The following FRAS1 variants were observed in gnomAD, a reference collection of about 807,000 sequenced individuals.
FRAS1 encodes extracellular matrix organizing protein FRAS1.
Under a neutral mutation model 435.2 loss-of-function variants are expected in FRAS1, and 290 were observed. That is an observed-to-expected ratio of 0.67 (90% CI 0.61 to 0.73). The LOEUF (loss-of-function observed/expected upper bound fraction) is 0.73, where lower values mean the gene tolerates loss of function less well. Among genes scored for constraint, FRAS1 ranks in the 30% least tolerant of loss-of-function variants. The probability of loss-of-function intolerance (pLI) is 0.00; values close to 1 mark genes in which losing one functional copy is unlikely to be tolerated. For synonymous variants in FRAS1, 1,800 were observed against 1,851.0 expected (o/e 0.97, Z 0.71); for missense variants, 4,860 against 5,001.5 (o/e 0.97, Z 0.85).
At chr4:78,301,837 A>G (rs1480109866) in intron 14 of FRAS1, among the ~76,000 whole-genome samples, 1 of 144,836 alleles carries the variant, frequency 6.9e-6, no homozygotes, top group Non-Finnish European at 1.5e-5. Flanking sequence ...CTTCTGGCCC[A>G]CAGAAACAGT....
chr4:78,061,467 T>G (rs1739758092), intron 1 of FRAS1, among the ~76,000 whole-genome samples: 1 of 152,142 alleles, frequency 6.6e-6, no homozygotes, highest in South Asian at 2.1e-4. Context: ...GAATTGAGCT[T>G]TAGTCTGTGT....
intron 22 of FRAS1, among the ~76,000 whole-genome samples, chr4:78,365,048 A>G (rs61351189): frequency 0.17 from 25,400 of 152,146 alleles, 2,719 homozygotes; most frequent in East Asian, 0.34. Flanking sequence ...TTTAATACAG[A>G]CCATAGTGGA....
chr4:78,197,942 A>C (rs76839312), intron 2 of FRAS1, among the ~76,000 whole-genome samples: 1 of 974 alleles, frequency 1.0e-3, no homozygotes, highest in African/African-American at 1.1e-3. Flanking sequence ...CTCCCTCTCA[A>C]AAAAAAAAAA....
Position 78,065,081 on chromosome 4 carries a change from T to TATATATATATATATATACACACACAC in FRAS1, c.77-901_77-900insTATATATATATATACACACACACATA, listed in dbSNP as rs762909923. ...GTGTATATATATATATATATATATA[T>TATATATATATATATATACACACACAC]ATACATACACACACACACACTAAAT... On this transcript the variant is annotated intron_variant, in intron 1 of 73. Transcript: ENST00000512123. Among the ~76,000 whole-genome samples, 532 of 125,526 alleles carry TATATATATATATATATACACACACAC rather than the reference T, an allele frequency of 4.2e-3. 5 individuals are homozygous for TATATATATATATATATACACACACAC. Among genetic ancestry groups the TATATATATATATATATACACACACAC allele is most frequent in the Non-Finnish European group, 5.0e-3 (304 of 60,484 alleles). The allele number at this position is 125,526 out of a possible 152,430, so 82.3% of individuals were successfully genotyped here.
chr4:78,272,817 A>G (rs1411852510), intron 9 of FRAS1, among the ~76,000 whole-genome samples: 2 of 151,828 alleles, frequency 1.3e-5, no homozygotes, highest in Middle Eastern at 3.4e-3. Context: ...GTTCCATATG[A>G]ACTTTAAAGT....
At chr4:78,400,158 C>A (rs989838903) in intron 29 of FRAS1, among the ~76,000 whole-genome samples, 2 of 152,212 alleles carry the variant, frequency 1.3e-5, no homozygotes, top group African/African-American at 2.4e-5. Flanking sequence ...ACTTAGAAAT[C>A]CAATTTTTTT....
chr4:78,197,976 T>A (rs1722887672), intron 2 of FRAS1, among the ~76,000 whole-genome samples: 1 of 152,174 alleles, frequency 6.6e-6, no homozygotes, highest in South Asian at 2.1e-4. Flanking sequence ...TGCAACACTT[T>A]TATAGCAGGA....
At chr4:78,302,793 C>A (rs556360951) in intron 14 of FRAS1, among the ~76,000 whole-genome samples, 7 of 152,114 alleles carry the variant, frequency 4.6e-5, no homozygotes, top group African/African-American at 1.7e-4. Flanking sequence ...AAAATCTTCT[C>A]CCATTTTGTA....
rs1732125930 is a variant in FRAS1 at position 78,384,084 on chromosome 4, A to G, written c.3589A>G (p.Ser1197Gly). 6.2e-7 allele frequency: 1 copy of G among 1,607,258 alleles called. No individual in the cohort carries two copies. The highest frequency in any genetic ancestry group is 8.5e-7 in the Non-Finnish European group (1 of 1,178,052). ...LRKGYLFLKI[S>G]DQQFFSEPQL... The stretch of plus-strand genomic sequence containing the variant: ...GAAAGGTTACCTTTTCCTGAAAATT[A>G]GTGACCAGCAGTTCTTCTCTGAGCC... Residue 1197 changes from serine (S) to glycine (G), a missense_variant, in exon 28 of 74, where the codon AGT (serine) becomes GGT (glycine). Ser to Gly is a moderately conservative substitution (Grantham distance 56). Transcript: ENST00000512123.
At chr4:78,211,454 T>C (rs1227105166) in intron 2 of FRAS1, among the ~76,000 whole-genome samples, 1 of 152,198 alleles carries the variant, frequency 6.6e-6, no homozygotes, top group African/African-American at 2.4e-5. Flanking sequence ...AAATACTGCC[T>C]TTGAACTTAT....
At chr4:78,277,639 T>A (rs931308384) in intron 9 of FRAS1, among the ~76,000 whole-genome samples, 8 of 152,160 alleles carry the variant, frequency 5.3e-5, no homozygotes, top group African/African-American at 1.9e-4. Context: ...GGAATTACAC[T>A]TTCTAAATTA....
At chr4:78,429,041 T>C (rs1448626784) in intron 35 of FRAS1, 54 bp from the exon 36 acceptor site, 4 of 1,457,868 alleles carry the variant, frequency 2.7e-6, no homozygotes, top group Admixed American at 2.3e-5. Flanking sequence ...TGTGTGTGCG[T>C]GTCTCTGTGT....
At chr4:78,277,092 G>A (rs999552868) in intron 9 of FRAS1, among the ~76,000 whole-genome samples, 7 of 152,194 alleles carry the variant, frequency 4.6e-5, no homozygotes, top group Non-Finnish European at 7.3e-5. Context: ...GTGAGGCTCC[G>A]TGAGCATGGG....
chr4:78,331,839 A>G (rs1729962104), intron 18 of FRAS1, among the ~76,000 whole-genome samples: 1 of 152,214 alleles, frequency 6.6e-6, no homozygotes, highest in South Asian at 2.1e-4. Flanking sequence ...GGTTGTTTTA[A>G]CATGTAGTTT....
chr4:78,278,538 G>A, intron 9 of FRAS1, 117 bp from the exon 10 acceptor site: 2 of 660,460 alleles, frequency 3.0e-6, no homozygotes, highest in South Asian at 1.7e-5. Flanking sequence ...GAGGGCCAGA[G>A]CCAACAGTGT....
chr4:78,065,089 C>CAT (rs1362078665), intron 1 of FRAS1, among the ~76,000 whole-genome samples: 60 of 101,124 alleles, frequency 5.9e-4, no homozygotes, highest in East Asian at 2.0e-3. Flanking sequence ...TATATACATA[C>CAT]ACACACACAC....
At chr4:78,441,433 G>C in intron 41 of FRAS1, 136 bp downstream of exon 41, 1 of 867,450 alleles carries the variant, frequency 1.2e-6, no homozygotes, top group Non-Finnish European at 1.8e-6. Context: ...AAGGAAGGTA[G>C]GAAGGTTTCA....
chr4:78,181,078 C>T, intron 2 of FRAS1: 1 of 1,567,256 alleles, frequency 6.4e-7, no homozygotes. Context: ...TGGTCCATAA[C>T]TGAATCCTCA....
chr4:78,436,469 A>G lies in FRAS1; in HGVS notation c.5218-2101A>G, dbSNP rs74603262. On this transcript the variant is annotated intron_variant, in intron 38 of 73. Transcript: ENST00000512123. Reference sequence around the variant, plus strand: ...CTAACCATTCTAATCCTGGATTACTACCCAAAAGAAACTTTCACATGCACA... The same window carrying G: ...CTAACCATTCTAATCCTGGATTACTGCCCAAAAGAAACTTTCACATGCACA... Among the ~76,000 whole-genome samples, 215 of 152,328 alleles carry G rather than the reference A, an allele frequency of 1.4e-3. 1 individual carries two copies. Among genetic ancestry groups the G allele is most frequent in the African/African-American group, 4.7e-3 (196 of 41,566 alleles).
Sources: allele counts gnomAD v4.1 joint callset (sites outside exome capture counted in the v4.1 genomes callset), GRCh38; gene constraint gnomAD v4.1.1; transcripts MANE v1.5; gene names NCBI Gene and HGNC (gene_info 2026-07-23, HGNC 2026-07-21).